The following POLR3B variants were observed in gnomAD, a reference collection of about 807,000 sequenced individuals.
The protein encoded by POLR3B is RNA polymerase III subunit B.
In POLR3B, 96 loss-of-function variants were observed where a neutral mutation model predicts 147.4. That is an observed-to-expected ratio of 0.65 (90% CI 0.55 to 0.77). The LOEUF (loss-of-function observed/expected upper bound fraction) is 0.77. Ranked by LOEUF, POLR3B falls within the 30% of genes least tolerant of loss-of-function variation. The pLI, the probability that POLR3B is intolerant of heterozygous loss-of-function variation, is 0.00. For missense variants in POLR3B, 1,036 were observed against 1,413.5 expected, an observed-to-expected ratio of 0.73 and a Z score of 4.28; for synonymous variants, 461 against 485.9, an observed-to-expected ratio of 0.95 and a Z score of 0.67.
At chr12:106,439,535 C>T (rs905563851) in intron 18 of POLR3B, among the ~76,000 whole-genome samples, 48 of 151,416 alleles carry the variant, frequency 3.2e-4, no homozygotes, top group African/African-American at 1.1e-3. Context: ...GTCCCAGTAA[C>T]TCAGGGGGCT....
chr12:106,420,516 G>A (rs1032055345), intron 12 of POLR3B, among the ~76,000 whole-genome samples: 2 of 152,160 alleles, frequency 1.3e-5, no homozygotes, highest in Non-Finnish European at 2.9e-5. Context: ...TGTACCCAGT[G>A]CCATTCACTC....
chr12:106,493,078 A>C (rs1387874004), intron 23 of POLR3B, among the ~76,000 whole-genome samples: 1 of 152,168 alleles, frequency 6.6e-6, no homozygotes, highest in Non-Finnish European at 1.5e-5. Flanking sequence ...TTTATTTTAA[A>C]ATCTGAAATG....
At position 106,509,564 on chromosome 12, in the gene POLR3B, A is replaced by T. The variant is rs763068456; in HGVS notation, c.*15A>T. The T allele has an allele frequency of 5.6e-6, 9 of 1,607,526 alleles. No homozygotes were observed. Among genetic ancestry groups the T allele is most frequent in the Admixed American group, 1.7e-5 (1 of 59,984 alleles). Reference sequence around the variant, plus strand: ...ACAATGAATGAGGATGGAAAAAATGATTATTAAAGAGAACAAGTGATACAT... The same window carrying T: ...ACAATGAATGAGGATGGAAAAAATGTTTATTAAAGAGAACAAGTGATACAT... On this transcript the variant is annotated 3_prime_UTR_variant, in exon 28 of 28. Transcript: ENST00000228347.
chr12:106,378,390 G>A lies in POLR3B; in HGVS notation c.614+6G>A. The A allele has an allele frequency of 1.9e-6, 3 of 1,548,564 alleles. No individual in the cohort carries two copies. Among genetic ancestry groups the A allele is most frequent in the Non-Finnish European group, 2.7e-6 (3 of 1,120,178 alleles). ...GTTGGAGCTTCAGTTACCAGGTATG[G>A]AAAGCAGAGATGGTGTCCTTAAGCA... On this transcript the variant is annotated splice_donor_region_variant and intron_variant, in intron 8 of 27. Transcript: ENST00000228347.
intron 25 of POLR3B, among the ~76,000 whole-genome samples, chr12:106,498,284 G>A (rs962406663): frequency 1.3e-5 from 2 of 152,140 alleles, no homozygotes; most frequent in African/African-American, 4.8e-5. Flanking sequence ...GCCTGGCTGC[G>A]GTGCAGTGAA....
At chr12:106,393,802 A>ACC (rs1218047888) in intron 10 of POLR3B, among the ~76,000 whole-genome samples, 2 of 138,748 alleles carry the variant, frequency 1.4e-5, no homozygotes, top group Non-Finnish European at 3.2e-5. Flanking sequence ...ACACACACAC[A>ACC]CACCCCATAG....
chr12:106,386,934 G>C (rs115297262), intron 9 of POLR3B, among the ~76,000 whole-genome samples: 3,488 of 151,928 alleles, frequency 0.023, 142 homozygotes, highest in African/African-American at 0.079. Context: ...AGTTTCTTCT[G>C]TCAAGTTTGT....
At chr12:106,447,516 C>T (rs147139641) in intron 19 of POLR3B, among the ~76,000 whole-genome samples, 2 of 152,244 alleles carry the variant, frequency 1.3e-5, no homozygotes, top group East Asian at 1.9e-4. Context: ...TGACATGGCT[C>T]AGAGCAAGAA....
In POLR3B at chr12:106,501,240, A is replaced by G. The variant is rs187376424; in HGVS notation, c.2985-83A>G. ...TCCAGTCAGTCATAAATGAGTAAGG[A>G]CCTGCCAGTGATGGGTCCAAAGGCT... On this transcript the variant is annotated intron_variant, in intron 25 of 27. Coordinates refer to ENST00000228347, the MANE Select transcript of POLR3B (RefSeq NM_018082.6). The G allele has an allele frequency of 4.2e-4, 344 of 817,000 alleles. 2 individuals carry two copies. Among genetic ancestry groups the G allele is most frequent in the Non-Finnish European group, 6.3e-4 (284 of 453,866 alleles). 50.6% of individuals were successfully genotyped at this position (817,000 alleles called of 1,614,324 possible).
In POLR3B at chr12:106,488,931, A is replaced by T. The variant is rs2038376213; in HGVS notation, c.2714-7124A>T. Among the ~76,000 whole-genome samples the T allele has an allele frequency of 2.6e-5, 4 of 152,208 alleles. No homozygotes were observed. In the South Asian group the frequency reaches 8.3e-4, roughly 32 times the overall value. ...TTTCAGTGTTCAGGCAAACCAAATTATTATATTTCCAGATTTCCTCTTCTT... is the reference window on the plus strand; with the variant it reads ...TTTCAGTGTTCAGGCAAACCAAATTTTTATATTTCCAGATTTCCTCTTCTT... On this transcript the variant is annotated intron_variant, in intron 23 of 27. Transcript: ENST00000228347.
At chr12:106,502,670 A>G (rs1000680077) in intron 26 of POLR3B, among the ~76,000 whole-genome samples, 1 of 152,106 alleles carries the variant, frequency 6.6e-6, no homozygotes, top group African/African-American at 2.4e-5. Context: ...TTGACCATTT[A>G]AAACTGAGCA....
chr12:106,395,489 A>G (rs2036966908), intron 10 of POLR3B, among the ~76,000 whole-genome samples: 2 of 152,152 alleles, frequency 1.3e-5, no homozygotes, highest in Admixed American at 1.3e-4. Context: ...CACCAAGGTG[A>G]TGGTGCTAAA....
At chr12:106,383,885 G>C (rs757969568) in intron 9 of POLR3B, among the ~76,000 whole-genome samples, 5 of 151,578 alleles carry the variant, frequency 3.3e-5, no homozygotes, top group Non-Finnish European at 7.4e-5. Flanking sequence ...GGCTGAGGCA[G>C]AAGAATCGCT....
At chr12:106,476,424 A>G (rs1474934092) in intron 23 of POLR3B, among the ~76,000 whole-genome samples, 1 of 49,438 alleles carries the variant, frequency 2.0e-5, no homozygotes, top group Non-Finnish European at 3.5e-5. Flanking sequence ...GCCTTGCTAG[A>G]TTGGGGAAGT....
chr12:106,485,187 C>T (rs1264771680), intron 23 of POLR3B, among the ~76,000 whole-genome samples: 2 of 152,238 alleles, frequency 1.3e-5, no homozygotes, highest in East Asian at 3.9e-4. Flanking sequence ...CATCCCGTGG[C>T]AGACAGGCAG....
chr12:106,359,183 C>G (rs1378741366), intron 1 of POLR3B, among the ~76,000 whole-genome samples: 2 of 152,116 alleles, frequency 1.3e-5, no homozygotes, highest in African/African-American at 2.4e-5. Context: ...CTGCTGCACT[C>G]CAGCCTGGGT....
intron 23 of POLR3B, among the ~76,000 whole-genome samples, chr12:106,468,462 C>A (rs1201883642): frequency 1.3e-5 from 2 of 152,106 alleles, no homozygotes; most frequent in African/African-American, 4.8e-5. Flanking sequence ...CAGTTCTGCT[C>A]TGATCTTAGT....
chr12:106,497,945 A>G (rs1164707960), intron 25 of POLR3B, among the ~76,000 whole-genome samples: 3 of 152,218 alleles, frequency 2.0e-5, no homozygotes, highest in Non-Finnish European at 4.4e-5. Context: ...CCCAACTAGA[A>G]TGTAACCTCC....
At chr12:106,497,127 A>G (rs2038503237) in intron 25 of POLR3B, among the ~76,000 whole-genome samples, 1 of 113,328 alleles carries the variant, frequency 8.8e-6, no homozygotes, top group Non-Finnish European at 2.0e-5. Flanking sequence ...TCATGATTTA[A>G]AAAAAAAAAT....
Sources: allele counts gnomAD v4.1 joint callset (sites outside exome capture counted in the v4.1 genomes callset), GRCh38; gene constraint gnomAD v4.1.1; transcripts MANE v1.5; gene names NCBI Gene and HGNC (gene_info 2026-07-23, HGNC 2026-07-21).